The following DNM3 variants were observed in gnomAD, a reference collection of about 807,000 sequenced individuals.
The protein encoded by DNM3 is dynamin 3.
A neutral mutation model predicts 101.6 loss-of-function variants in DNM3; 47 were observed. The observed-to-expected ratio is 0.46, with a 90% confidence interval of 0.37 to 0.59. The LOEUF is 0.59. Among genes scored for constraint, DNM3 ranks in the 20% least tolerant of loss-of-function variants. The pLI, the probability that DNM3 is intolerant of heterozygous loss-of-function variation, is 0.00. For synonymous variants in DNM3, 385 were observed against 387.9 expected, an observed-to-expected ratio of 0.99 and a Z score of 0.09; for missense variants, 849 against 1,085.7, an observed-to-expected ratio of 0.78 and a Z score of 3.06.
chr1:171,980,767 A>ATTTTTTTT (rs35033942), intron 2 of DNM3, among the ~76,000 whole-genome samples: 2 of 110,246 alleles, frequency 1.8e-5, no homozygotes, highest in African/African-American at 6.6e-5. Flanking sequence ...AAATCTACAG[A>ATTTTTTTT]TTTTTTTTTT....
intron 6 of DNM3, among the ~76,000 whole-genome samples, chr1:172,036,241 T>C (rs1415699767): frequency 7.0e-6 from 1 of 143,196 alleles, no homozygotes; most frequent in African/African-American, 2.6e-5. Flanking sequence ...CACCTATGAG[T>C]GAGAACATGC....
At chr1:172,302,958 CA>C (rs1021774847) in intron 15 of DNM3, among the ~76,000 whole-genome samples, 2 of 152,080 alleles carry the variant, frequency 1.3e-5, no homozygotes, top group African/African-American at 4.8e-5. Context: ...TTCTAAAAAC[CA>C]GAGCACTTTT....
At chr1:171,953,383 A>T (rs886815893) in intron 2 of DNM3, among the ~76,000 whole-genome samples, 3 of 151,598 alleles carry the variant, frequency 2.0e-5, no homozygotes, top group Non-Finnish European at 4.4e-5. Context: ...AATAGATGAG[A>T]ACTTAGGGAA....
At chr1:172,261,640 A>G (rs2422073) in intron 15 of DNM3, among the ~76,000 whole-genome samples, 97,745 of 152,018 alleles carry the variant, frequency 0.64, 31,894 homozygotes, top group Admixed American at 0.7. Context: ...TGGGCAGTGG[A>G]TGTGGCATGG....
chr1:172,167,246 C>A (rs577083712), intron 14 of DNM3, among the ~76,000 whole-genome samples: 10 of 152,132 alleles, frequency 6.6e-5, no homozygotes, highest in Non-Finnish European at 1.2e-4. Flanking sequence ...AAAGGACATG[C>A]ACTCATCCTT....
At chr1:172,049,965 T>C (rs888543450) in intron 10 of DNM3, among the ~76,000 whole-genome samples, 2 of 152,148 alleles carry the variant, frequency 1.3e-5, no homozygotes, top group African/African-American at 4.8e-5. Flanking sequence ...CAGAGGTGAC[T>C]GGGAGGTTCA....
intron 14 of DNM3, among the ~76,000 whole-genome samples, chr1:172,191,584 T>TCAA (rs1558701062): frequency 2.1e-4 from 32 of 152,322 alleles, no homozygotes; most frequent in African/African-American, 7.5e-4. Context: ...GGGATGGCAT[T>TCAA]GAATCTATAA....
At chr1:171,916,500 CAGA>C (rs1166432394) in intron 1 of DNM3, among the ~76,000 whole-genome samples, 1 of 152,152 alleles carries the variant, frequency 6.6e-6, no homozygotes, top group African/African-American at 2.4e-5. Context: ...GGAGATTCAT[CAGA>C]AGGAGGGGCA....
At chr1:172,068,941 G>A (rs944356659) in intron 11 of DNM3, 36 bp downstream of exon 11, 3 of 1,540,628 alleles carry the variant, frequency 1.9e-6, no homozygotes, top group African/African-American at 2.7e-5. Context: ...CAGGGAGATT[G>A]TGGGAGGTCG....
chr1:172,210,946 C>T (rs935819369), intron 14 of DNM3, among the ~76,000 whole-genome samples: 1 of 152,016 alleles, frequency 6.6e-6, no homozygotes, highest in Non-Finnish European at 1.5e-5. Flanking sequence ...TTACATCCAG[C>T]GATTTCAGCC....
intron 14 of DNM3, among the ~76,000 whole-genome samples, chr1:172,207,181 A>G (rs1466267508): frequency 6.6e-6 from 1 of 152,090 alleles, no homozygotes; most frequent in East Asian, 1.9e-4. Flanking sequence ...TTTCACCAAC[A>G]TGTCCTTAGT....
At chr1:172,189,041 G>A (rs1271269942) in intron 14 of DNM3, among the ~76,000 whole-genome samples, 1 of 152,086 alleles carries the variant, frequency 6.6e-6, no homozygotes, top group Non-Finnish European at 1.5e-5. Flanking sequence ...TTTGTAAAAA[G>A]TGTGAGGTCA....
chr1:171,989,065 G>C lies in DNM3; in HGVS notation c.506G>C (p.Cys169Ser), dbSNP rs2045466632. Residue 169 changes from cysteine (C) to serine (S), a missense_variant, in exon 4 of 21, where the codon TGT (cysteine) becomes TCT (serine). Cys to Ser is a moderately radical substitution (Grantham distance 112). Transcript: ENST00000627582. ...ATGCAGTTCATCACGAGGGAGAACT[G>C]TCTGATTTTAGCTGTTACTCCAGCC... ...MIMQFITREN[C>S]LILAVTPANT... 6.2e-7 allele frequency: 1 copy of C among 1,613,082 alleles called. No homozygotes were observed. Among genetic ancestry groups the C allele is most frequent in the East Asian group, 2.2e-5 (1 of 44,834 alleles).
intron 14 of DNM3, among the ~76,000 whole-genome samples, chr1:172,149,258 A>G (rs1022610918): frequency 2.0e-5 from 3 of 152,186 alleles, no homozygotes; most frequent in Admixed American, 6.5e-5. Context: ...CCTCAAATCA[A>G]TTGAGAAAGA....
intron 1 of DNM3, among the ~76,000 whole-genome samples, chr1:171,860,048 A>C (rs1253252532): frequency 6.6e-6 from 1 of 152,138 alleles, no homozygotes; most frequent in African/African-American, 2.4e-5. Flanking sequence ...TTTTATCCAG[A>C]GTGCTATGGT....
At chr1:172,360,142 CT>C in intron 17 of DNM3, among the ~76,000 whole-genome samples, 1 of 152,034 alleles carries the variant, frequency 6.6e-6, no homozygotes, top group South Asian at 2.1e-4. Context: ...TGTAAGATGC[CT>C]AATTCAATAT....
At chr1:172,074,601 A>T (rs532493600) in intron 11 of DNM3, among the ~76,000 whole-genome samples, 8 of 152,266 alleles carry the variant, frequency 5.3e-5, no homozygotes, top group South Asian at 2.1e-4. Flanking sequence ...TTTGCTGAGA[A>T]TGATGGTTTC....
At chr1:172,140,637 T>G (rs1269953878) in intron 14 of DNM3, 1 of 152,044 alleles carries the variant, frequency 6.6e-6, no homozygotes, top group African/African-American at 2.4e-5. Flanking sequence ...TTGTATGTTA[T>G]GCTTTAATAT....
At chr1:172,153,118 C>T (rs563956286) in intron 14 of DNM3, among the ~76,000 whole-genome samples, 1 of 152,238 alleles carries the variant, frequency 6.6e-6, no homozygotes, top group East Asian at 1.9e-4. Context: ...AGAGAAGGAG[C>T]ATTAGAATTG....
Sources: allele counts gnomAD v4.1 joint callset (sites outside exome capture counted in the v4.1 genomes callset), GRCh38; gene constraint gnomAD v4.1.1; transcripts MANE v1.5; gene names NCBI Gene and HGNC (gene_info 2026-07-23, HGNC 2026-07-21).